Variants in SFXN2 observed in about 807,000 individuals in gnomAD.
The protein encoded by SFXN2 is sideroflexin 2, also known as sideroflexin-2.
Under a neutral mutation model 41.9 loss-of-function variants are expected in SFXN2, and 37 were observed. That is an observed-to-expected ratio of 0.88 (90% CI 0.68 to 1.16). The LOEUF is 1.16. Among genes scored for constraint, SFXN2 ranks in the 50% most tolerant of loss-of-function variants. The pLI, the probability that SFXN2 is intolerant of heterozygous loss-of-function variation, is 0.00. For missense variants in SFXN2, 386 were observed against 425.2 expected (o/e 0.91, Z 0.81); for synonymous variants, 150 against 156.7 (o/e 0.96, Z 0.32).
At chr10:102,735,828 G>T (rs1392903889) in intron 10 of SFXN2, 34 bp from the exon 11 acceptor site, 3 of 1,611,846 alleles carry the variant, frequency 1.9e-6, no homozygotes, top group African/African-American at 1.3e-5. Flanking sequence ...GTGGGGAGAT[G>T]TCCCCTGATG....
Position 102,737,168 on chromosome 10 carries a change from A to G in SFXN2, c.870-495A>G, listed in dbSNP as rs188668135. ...AAACTCCATCTCAATAAATAAGTAA[A>G]TAAATAAATAAATAAATAAAGGGAC... On this transcript the variant is annotated intron_variant, in intron 11 of 11. Coordinates refer to ENST00000369893, the MANE Select transcript of SFXN2 (RefSeq NM_178858.6). 1.6e-4 allele frequency among the ~76,000 whole-genome samples: 25 copies of G among 152,078 alleles called. No homozygotes were observed. In the East Asian group the frequency reaches 2.3e-3, roughly 14 times the overall value.
rs767631605 is a variant in SFXN2 at position 102,729,371 on chromosome 10, G to T, written c.484G>T (p.Val162Leu). The T allele has an allele frequency of 1.4e-5, 23 of 1,614,068 alleles. No individual in the cohort carries two copies. In the South Asian group the frequency reaches 2.4e-4, roughly 17 times the overall value. The change falls in exon 5 of 12, where the codon GTG becomes TTG. Residue 162 changes from valine (V) to leucine (L), a missense_variant. Val to Leu is a conservative substitution (Grantham distance 32). Coordinates refer to ENST00000369893, the MANE Select transcript of SFXN2 (RefSeq NM_178858.6). The part of the protein sequence containing the change: ...TATTTAVATA[V>L]GMNMLTKKAP... ...CACAACCACTGCTGTGGCCACGGCTGTGGGCATGAACATGTTGACAAAGGT... is the reference window on the plus strand; with the variant it reads ...CACAACCACTGCTGTGGCCACGGCTTTGGGCATGAACATGTTGACAAAGGT...
chr10:102,723,012 G>A (rs564103147), intron 1 of SFXN2, among the ~76,000 whole-genome samples: 3 of 126,800 alleles, frequency 2.4e-5, no homozygotes, highest in East Asian at 5.3e-4. Flanking sequence ...GCTCACTGCA[G>A]CCTCCGCCTC....
In SFXN2 at chr10:102,723,005, C is replaced by G. The variant is rs1478734820; in HGVS notation, c.-25-3607C>G. Among the ~76,000 whole-genome samples, 3 of 144,156 alleles carry G rather than the reference C, an allele frequency of 2.1e-5. No individual in the cohort carries two copies. The East Asian group carries it at 6.5e-4, about 31-fold the overall frequency. The allele number at this position is 144,156 out of a possible 152,430, so 94.6% of individuals were successfully genotyped here. A position where few individuals can be genotyped will look rare whatever the true frequency, so the allele number is the denominator to read the frequency against. On this transcript the variant is annotated intron_variant, in intron 1 of 11. Transcript: ENST00000369893. ...GGAGTGCAGTGGCTTGATCTTGGCT[C>G]ACTGCAGCCTCCGCCTCCTGGGCTC...
At chr10:102,721,438 A>G (rs1209098490) in intron 1 of SFXN2, among the ~76,000 whole-genome samples, 1 of 149,322 alleles carries the variant, frequency 6.7e-6, no homozygotes, top group East Asian at 1.9e-4. Flanking sequence ...TTTATAACAT[A>G]TAAAGTTATA....
chr10:102,731,802 T>C lies in SFXN2; in HGVS notation c.654+19T>C, dbSNP rs971917353. ...TTCCCGGGTGAGCAGAGGCCTCCCT[T>C]TGGGGTGGGAGGAGGGAATTCCCTC... On this transcript the variant is annotated intron_variant, in intron 7 of 11. Coordinates refer to ENST00000369893, the MANE Select transcript of SFXN2 (RefSeq NM_178858.6). The C allele has an allele frequency of 6.2e-7, 1 of 1,611,272 alleles. No homozygotes were observed. Among genetic ancestry groups the C allele is most frequent in the African/African-American group, 1.3e-5 (1 of 74,998 alleles).
rs949164257 is a variant in SFXN2 at position 102,739,064 on chromosome 10, A to G, written c.*1302A>G. On this transcript the variant is annotated 3_prime_UTR_variant, in exon 12 of 12. Transcript: ENST00000369893. ...GGTGATTTCTCAAGCTCCTTGGGGGACTGTTGTTTCTCATCTGGAATCAAT... is the reference window on the plus strand; with the variant it reads ...GGTGATTTCTCAAGCTCCTTGGGGGGCTGTTGTTTCTCATCTGGAATCAAT... 9 of 152,452 alleles carry G rather than the reference A, an allele frequency of 5.9e-5. No individual in the cohort carries two copies. Among genetic ancestry groups the G allele is most frequent in the African/African-American group, 2.2e-4 (9 of 41,430 alleles). The allele number at this position is 152,452 out of a possible 1,614,324, so 9.4% of individuals were successfully genotyped here. A position where few individuals can be genotyped will look rare whatever the true frequency, so the allele number is the denominator to read the frequency against.
intron 2 of SFXN2, 26 bp from the exon 3 acceptor site, chr10:102,726,961 G>A (rs2064607383): frequency 6.3e-7 from 1 of 1,588,964 alleles, no homozygotes; most frequent in Non-Finnish European, 8.6e-7. Flanking sequence ...GCAGGATGGT[G>A]ACTGCCTGCT....
At position 102,717,163 on chromosome 10, in the gene SFXN2, G is replaced by A. The variant is rs1340413930; in HGVS notation, c.-26+2482G>A. On this transcript the variant is annotated intron_variant, in intron 1 of 11. Coordinates refer to ENST00000369893, the MANE Select transcript of SFXN2 (RefSeq NM_178858.6). The stretch of plus-strand genomic sequence containing the variant: ...TTTTTTTTTGTGGAGACGGAGTCTC[G>A]CTCTGTCACCCAGACTGGAGTGCAG... Among the ~76,000 whole-genome samples, 12 of 118,660 alleles carry A rather than the reference G, an allele frequency of 1.0e-4. No homozygotes were observed. The Admixed American group carries it at 1.5e-3, about 15-fold the overall frequency. The allele number at this position is 118,660 out of a possible 152,430, so 77.8% of individuals were successfully genotyped here.
rs1478987057 is a variant in SFXN2, at chr10:102,738,485, C to T, written c.*723C>T. On this transcript the variant is annotated 3_prime_UTR_variant, in exon 12 of 12. Coordinates refer to ENST00000369893, the MANE Select transcript of SFXN2 (RefSeq NM_178858.6). Reference sequence around the variant, plus strand: ...GCTAATTTTTGTATTTTAGTGGAGACGGGGTTTCACCATGCTGGCCAGACT... The same window carrying T: ...GCTAATTTTTGTATTTTAGTGGAGATGGGGTTTCACCATGCTGGCCAGACT... The T allele has an allele frequency of 3.9e-5, 6 of 151,990 alleles. No individual in the cohort carries two copies. Among genetic ancestry groups the T allele is most frequent in the African/African-American group, 7.3e-5 (3 of 41,374 alleles). 9.4% of individuals were successfully genotyped at this position (151,990 alleles called of 1,614,324 possible).
chr10:102,725,143 A>T (rs537175668), intron 1 of SFXN2: 1 of 151,818 alleles, frequency 6.6e-6, no homozygotes, highest in African/African-American at 2.4e-5. Flanking sequence ...AAGACTTGTT[A>T]CTCTTTTTGT....
intron 4 of SFXN2, 59 bp from the exon 5 acceptor site, chr10:102,729,260 C>A: frequency 6.5e-7 from 1 of 1,550,102 alleles, no homozygotes; most frequent in Non-Finnish European, 8.9e-7. Flanking sequence ...CCCTGAAGCC[C>A]GTGGTTTGGC....
intron 1 of SFXN2, among the ~76,000 whole-genome samples, chr10:102,724,730 A>G (rs985233816): frequency 3.3e-5 from 5 of 151,902 alleles, no homozygotes; most frequent in South Asian, 2.1e-4. Flanking sequence ...ATCACTGCTT[A>G]TGTTATTTGT....
At chr10:102,730,427 C>T (rs979502099) in intron 6 of SFXN2, among the ~76,000 whole-genome samples, 2 of 152,232 alleles carry the variant, frequency 1.3e-5, no homozygotes, top group African/African-American at 4.8e-5. Context: ...GTTATTTCTA[C>T]CATTGTCATC....
intron 2 of SFXN2, 53 bp from the exon 3 acceptor site, chr10:102,726,934 T>C (rs1187954078): frequency 1.3e-6 from 2 of 1,582,260 alleles, no homozygotes; most frequent in South Asian, 1.1e-5. Context: ...GTGGGGAGAC[T>C]GGGAGACATT....
chr10:102,729,231 C>T, intron 4 of SFXN2, 88 bp from the exon 5 acceptor site: 1 of 1,291,256 alleles, frequency 7.7e-7, no homozygotes, highest in Middle Eastern at 2.0e-4. Context: ...ACGCACGAAG[C>T]CTCGCCAGCC....
At chr10:102,723,912 T>C (rs1300510159) in intron 1 of SFXN2, among the ~76,000 whole-genome samples, 14 of 152,200 alleles carry the variant, frequency 9.2e-5, no homozygotes, top group Admixed American at 9.2e-4. Context: ...GTTGTACAGA[T>C]TGTTTCATCA....
intron 1 of SFXN2, among the ~76,000 whole-genome samples, chr10:102,718,597 G>A (rs1035972374): frequency 7.2e-5 from 11 of 152,206 alleles, no homozygotes; most frequent in African/African-American, 2.2e-4. Flanking sequence ...GGAGATTGCC[G>A]CTTCAGAGAA....
intron 1 of SFXN2, among the ~76,000 whole-genome samples, chr10:102,717,294 G>A (rs2064430969): frequency 6.6e-6 from 1 of 152,064 alleles, no homozygotes; most frequent in Non-Finnish European, 1.5e-5. Flanking sequence ...ACCACGCCTG[G>A]CTAATTTTTT....
Sources: gnomAD v4.1 joint callset for allele counts (sites outside exome capture counted in the v4.1 genomes callset) on GRCh38, gnomAD v4.1.1 for gene constraint, MANE v1.5 for transcripts, NCBI Gene and HGNC (gene_info 2026-07-23, HGNC 2026-07-21) for gene names.